Variants in QTMAN observed in about 807,000 individuals in gnomAD.
QTMAN encodes queuosine-tRNA mannosyltransferase, also known as tRNA-queuosine alpha-mannosyltransferase.
At chr2:144,178,865 AG>A in the QTMAN span, 608 of 384,966 alleles carry the variant, frequency 1.6e-3, 3 homozygotes, top group Non-Finnish European at 3.0e-4. Context: ...AGCTGGATCC[AG>A]GCTTCTTGCA....
the QTMAN span, among the ~76,000 whole-genome samples, chr2:144,229,087 CA>C: frequency 3.9e-5 from 6 of 152,270 alleles, no homozygotes; most frequent in East Asian, 1.2e-3. Flanking sequence ...TATATCCCAA[CA>C]AATACTTTGT....
chr2:144,104,414 C>G, the QTMAN span, among the ~76,000 whole-genome samples: 2 of 152,206 alleles, frequency 1.3e-5, no homozygotes, highest in African/African-American at 4.8e-5. Context: ...CACCCTAACG[C>G]TGCACTTTTC....
At chr2:144,291,810 A>C in the QTMAN span, among the ~76,000 whole-genome samples, 1 of 152,180 alleles carries the variant, frequency 6.6e-6, no homozygotes, top group Non-Finnish European at 1.5e-5. Context: ...CCACAAATTC[A>C]AGTTCATACT....
chr2:144,141,881 C>T, the QTMAN span: 1 of 1,605,184 alleles, frequency 6.2e-7, no homozygotes, highest in African/African-American at 1.3e-5. Flanking sequence ...AACATACTGA[C>T]CTGCTCACAT....
At chr2:144,290,975 G>A in the QTMAN span, among the ~76,000 whole-genome samples, 16 of 152,314 alleles carry the variant, frequency 1.1e-4, no homozygotes, top group East Asian at 1.2e-3. Flanking sequence ...AGATCAAGGT[G>A]TCGGCAGGGT....
the QTMAN span, among the ~76,000 whole-genome samples, chr2:143,958,210 C>G: frequency 6.6e-6 from 1 of 152,014 alleles, no homozygotes; most frequent in Non-Finnish European, 1.5e-5. Context: ...CATGTGTCAT[C>G]TATAATTTCC....
At chr2:144,107,578 C>A in the QTMAN span, among the ~76,000 whole-genome samples, 1 of 152,152 alleles carries the variant, frequency 6.6e-6, no homozygotes. Flanking sequence ...TCTGAATAGA[C>A]CAATAACAGG....
the QTMAN span, among the ~76,000 whole-genome samples, chr2:144,229,022 C>T: frequency 6.6e-6 from 1 of 152,116 alleles, no homozygotes; most frequent in Non-Finnish European, 1.5e-5. Context: ...AGACTCCACA[C>T]ATACACTTGA....
At chr2:143,992,733 G>C in the QTMAN span, among the ~76,000 whole-genome samples, 1 of 151,900 alleles carries the variant, frequency 6.6e-6, no homozygotes, top group African/African-American at 2.4e-5. Flanking sequence ...GATGTTCTTC[G>C]GGCAGAAGAA....
chr2:144,183,499 C>T, the QTMAN span, among the ~76,000 whole-genome samples: 1 of 152,066 alleles, frequency 6.6e-6, no homozygotes, highest in African/African-American at 2.4e-5. Context: ...TTTTACAGGA[C>T]AAGGGGACAT....
the QTMAN span, among the ~76,000 whole-genome samples, chr2:144,153,622 C>A: frequency 6.6e-6 from 1 of 152,090 alleles, no homozygotes; most frequent in South Asian, 2.1e-4. Context: ...ACCCAGGAGG[C>A]ACAGCTTGCA....
the QTMAN span, among the ~76,000 whole-genome samples, chr2:144,189,356 C>T: frequency 6.6e-6 from 1 of 152,190 alleles, no homozygotes; most frequent in Non-Finnish European, 1.5e-5. Context: ...TCCCCTAAGG[C>T]AGTACACAGG....
chr2:144,019,110 T>C, the QTMAN span, among the ~76,000 whole-genome samples: 1 of 151,682 alleles, frequency 6.6e-6, no homozygotes, highest in Non-Finnish European at 1.5e-5. Flanking sequence ...GCCTGAAAAA[T>C]AAGCAGGGAG....
chr2:144,142,085 T>C, the QTMAN span: 5 of 1,550,176 alleles, frequency 3.2e-6, no homozygotes, highest in African/African-American at 1.4e-5. Context: ...ATGCAAATGA[T>C]GAGCCCAGAC....
At chr2:143,970,611 G>C in the QTMAN span, 1 of 979,634 alleles carries the variant, frequency 1.0e-6, no homozygotes, top group Non-Finnish European at 1.7e-6. Flanking sequence ...TAGAGCTTAT[G>C]TCATCTATAA....
chr2:144,317,190 T>C, the QTMAN span, among the ~76,000 whole-genome samples: 120 of 152,292 alleles, frequency 7.9e-4, no homozygotes, highest in African/African-American at 2.7e-3. Context: ...CATTTCCCAA[T>C]GTCTGGAATA....
At chr2:144,267,499 C>T in the QTMAN span, among the ~76,000 whole-genome samples, 20 of 152,240 alleles carry the variant, frequency 1.3e-4, 1 homozygote, top group South Asian at 3.9e-3. Flanking sequence ...AGTTCCAGTA[C>T]AGAGGTGGGA....
the QTMAN span, among the ~76,000 whole-genome samples, chr2:144,088,349 A>G: frequency 2.1e-3 from 318 of 152,234 alleles, 4 homozygotes; most frequent in African/African-American, 7.3e-3. Flanking sequence ...AAAACATCCC[A>G]CACTTATGGA....
At chr2:144,073,166 T>A in the QTMAN span, among the ~76,000 whole-genome samples, 2 of 151,868 alleles carry the variant, frequency 1.3e-5, no homozygotes, top group African/African-American at 4.8e-5. Flanking sequence ...GACAGCTATA[T>A]ATTGTCACCC....
Sources: allele counts gnomAD v4.1 joint callset (sites outside exome capture counted in the v4.1 genomes callset), GRCh38; gene constraint gnomAD v4.1.1; transcripts MANE v1.5; gene names NCBI Gene and HGNC (gene_info 2026-07-23, HGNC 2026-07-21).